The following UGT1A5 variants were observed in gnomAD, a reference collection of about 807,000 sequenced individuals.
The protein encoded by UGT1A5 is UDP glucuronosyltransferase family 1 member A5.
In UGT1A5, 29 loss-of-function variants were observed where a neutral mutation model predicts 40.3. That is an observed-to-expected ratio of 0.72 (90% CI 0.54 to 0.98). UGT1A5 has a LOEUF of 0.98. UGT1A5 is among the 50% of genes least tolerant of loss of function. The pLI is 0.00. For missense variants in UGT1A5, 678 were observed against 677.9 expected, an observed-to-expected ratio of 1.00 and a Z score of 0.00; for synonymous variants, 257 against 262.5, an observed-to-expected ratio of 0.98 and a Z score of 0.20.
At chr2:233,723,536 T>TTTTTA (rs1553611580) in intron 1 of UGT1A5, among the ~76,000 whole-genome samples, 1 of 121,444 alleles carries the variant, frequency 8.2e-6, no homozygotes, top group African/African-American at 3.3e-5. Flanking sequence ...TTTTTTTTTT[T>TTTTTA]AATTTATTTT....
At chr2:233,766,654 A>G (rs1414675173) in intron 1 of UGT1A5, among the ~76,000 whole-genome samples, 3 of 152,054 alleles carry the variant, frequency 2.0e-5, no homozygotes, top group Non-Finnish European at 4.4e-5. Flanking sequence ...ATTTAAAGGG[A>G]CCACGCCCTT....
At chr2:233,720,033 T>A (rs13401281) in intron 1 of UGT1A5, among the ~76,000 whole-genome samples, 3 of 152,074 alleles carry the variant, frequency 2.0e-5, no homozygotes, top group South Asian at 4.2e-4. Context: ...TTTGCTTGCC[T>A]GATTTTCAGC....
At chr2:233,751,930 T>G (rs1477221297) in intron 1 of UGT1A5, among the ~76,000 whole-genome samples, 5 of 152,152 alleles carry the variant, frequency 3.3e-5, no homozygotes, top group African/African-American at 7.2e-5. Context: ...TGGTGGTGAT[T>G]GAAGTTATAC....
At chr2:233,719,005 C>A in intron 1 of UGT1A5, 1 of 1,614,252 alleles carries the variant, frequency 6.2e-7, no homozygotes, top group Non-Finnish European at 8.5e-7. Context: ...GTGGTCCTCA[C>A]CCCAGAGGTG....
chr2:233,772,282 G>T lies in UGT1A5; in HGVS notation c.1328G>T (p.Arg443Leu), dbSNP rs748166510. 6.2e-7 allele frequency: 1 copy of T among 1,614,194 alleles called. No homozygotes were observed. Among genetic ancestry groups the T allele is most frequent in the Non-Finnish European group, 8.5e-7 (1 of 1,180,040 alleles). The change falls in exon 5 of 5, where the codon CGC becomes CTC. Residue 443 changes from arginine (R) to leucine (L), a missense_variant. By Grantham distance (102) the Arg-to-Leu change is moderately radical. Transcript: ENST00000373414. ...TTTAGTTACAAGGAGAACATCATGC[G>T]CCTCTCCAGCCTTCACAAGGACCGC... ...NDKSYKENIM[R>L]LSSLHKDRPV...
chr2:233,729,580 G>A, intron 1 of UGT1A5: 1 of 1,614,110 alleles, frequency 6.2e-7, no homozygotes. Context: ...GGTTTTAACA[G>A]ACCCCGTTAA....
rs201536382 is a variant in UGT1A5, at chr2:233,713,021, G to A, written c.30G>A (p.Pro10=). Residue 10 remains proline (P), a synonymous_variant, in exon 1 of 5, where the codon CCG becomes CCA. Transcript: ENST00000373414. The part of the protein sequence containing the change: MATGLQVPL[P]QLATGLLLLL... ...CCACAGGACTCCAGGTTCCCCTGCC[G>A]CAGCTGGCCACAGGACTGCTGCTTC... 56 of 1,613,716 alleles carry A rather than the reference G, an allele frequency of 3.5e-5. No individual in the cohort carries two copies. In the African/African-American group the frequency reaches 4.5e-4, roughly 13 times the overall value.
In UGT1A5 at chr2:233,713,404, T is replaced by A; in HGVS notation, c.413T>A (p.Ile138Asn). Residue 138 changes from isoleucine (I) to asparagine (N), a missense_variant, in exon 1 of 5, where the codon ATC becomes AAC. By Grantham distance (149) the Ile-to-Asn change is moderately radical. Transcript: ENST00000373414. ...GAGCTACTGCATAATGAGGCCCTGA[T>A]CAGGCACCTGCATGCTACTTCCTTT... The part of the protein sequence containing the change: ...CVELLHNEAL[I>N]RHLHATSFDV... The A allele has an allele frequency of 1.2e-6, 2 of 1,614,162 alleles. No individual in the cohort carries two copies. Among genetic ancestry groups the A allele is most frequent in the Non-Finnish European group, 1.7e-6 (2 of 1,180,036 alleles).
rs1377408060 is a variant in UGT1A5, at chr2:233,769,430, CTCA to C, written c.1307+993_1307+995del. Reference sequence around the variant, plus strand: ...GTGTGCGTTTGTGCATGTGGCTGTGCTCATGTGTGGGTGCACACGTGTGCATTC... The same window carrying C: ...GTGTGCGTTTGTGCATGTGGCTGTGCTGTGTGGGTGCACACGTGTGCATTC... On this transcript the variant is annotated intron_variant, in intron 4 of 4. Transcript: ENST00000373414. This position sits in a 1 kb window ranked among gnomAD's most constrained non-coding sequence, Gnocchi z 4.4. 42 of 1,537,292 alleles carry C rather than the reference CTCA, an allele frequency of 2.7e-5. No homozygotes were observed. The highest frequency in any genetic ancestry group is 3.7e-5 in the Non-Finnish European group (41 of 1,118,590).
At chr2:233,719,999 T>G (rs1373065524) in intron 1 of UGT1A5, among the ~76,000 whole-genome samples, 1 of 152,178 alleles carries the variant, frequency 6.6e-6, no homozygotes, top group East Asian at 1.9e-4. Context: ...GACACTACAT[T>G]CAGAACTGAT....
chr2:233,768,076 A>G (rs1699558493), intron 3 of UGT1A5, 140 bp downstream of exon 3: 2 of 1,593,048 alleles, frequency 1.3e-6, no homozygotes, highest in African/African-American at 1.3e-5. Flanking sequence ...CTAGTGGGGT[A>G]TCTCAACCCA....
intron 1 of UGT1A5, among the ~76,000 whole-genome samples, chr2:233,724,483 C>A (rs1180664629): frequency 6.5e-4 from 44 of 68,188 alleles, no homozygotes; most frequent in South Asian, 1.6e-3. Flanking sequence ...ACTTCTCAGA[C>A]GGGGCGGCCG....
chr2:233,714,306 T>C (rs1288766736), intron 1 of UGT1A5, among the ~76,000 whole-genome samples: 1 of 152,124 alleles, frequency 6.6e-6, no homozygotes, highest in East Asian at 1.9e-4. Context: ...TTGCAAAAGA[T>C]AGAGAGGTGA....
chr2:233,758,146 A>G (rs1260919985), intron 1 of UGT1A5, among the ~76,000 whole-genome samples: 1 of 152,228 alleles, frequency 6.6e-6, no homozygotes, highest in Non-Finnish European at 1.5e-5. Flanking sequence ...TGAGGGAATT[A>G]GCAATGGGTT....
Position 233,760,930 on chromosome 2 carries a change from A to G in UGT1A5, c.868-6104A>G, listed in dbSNP as rs144398951. 63 of 1,614,176 alleles carry G rather than the reference A, an allele frequency of 3.9e-5. 1 individual carries two copies. In the Middle Eastern group the frequency reaches 1.3e-3, roughly 34 times the overall value. On this transcript the variant is annotated intron_variant, in intron 1 of 4. Coordinates refer to ENST00000373414, the MANE Select transcript of UGT1A5 (RefSeq NM_019078.2). ...CCTGCAGCGGGTGAAGAACATGCTC[A>G]TTGCCTTTTCACAGAACTTTCTGTG...
At chr2:233,730,021 A>G (rs1183209625) in intron 1 of UGT1A5, 7 of 1,613,586 alleles carry the variant, frequency 4.3e-6, no homozygotes, top group Non-Finnish European at 5.9e-6. Flanking sequence ...CATCCAATCA[A>G]TGTTCCAGGC....
chr2:233,767,827 C>T (rs1252355867), intron 2 of UGT1A5, 22 bp from the exon 3 acceptor site: 1 of 1,614,176 alleles, frequency 6.2e-7, no homozygotes, highest in Non-Finnish European at 8.5e-7. Flanking sequence ...TCTTTACGTT[C>T]TGCTCTTTTT....
intron 1 of UGT1A5, chr2:233,753,221 C>G (rs1559397626): frequency 6.6e-6 from 1 of 152,156 alleles, no homozygotes; most frequent in East Asian, 1.9e-4. Context: ...TATTTTGATA[C>G]TTCTTGTATA....
intron 1 of UGT1A5, among the ~76,000 whole-genome samples, chr2:233,749,634 C>A (rs1417032704): frequency 6.6e-6 from 1 of 151,820 alleles, no homozygotes; most frequent in East Asian, 1.9e-4. Context: ...GTATCCCCCA[C>A]CAAATCTCAT....
Sources: gnomAD v4.1 joint callset for allele counts (sites outside exome capture counted in the v4.1 genomes callset) on GRCh38, gnomAD v4.1.1 for gene constraint, Gnocchi (gnomAD v3.1) non-coding constraint, MANE v1.5 for transcripts, NCBI Gene and HGNC (gene_info 2026-07-23, HGNC 2026-07-21) for gene names.